ADAMTS6: variants seen among roughly 807,000 people sequenced by gnomAD.
The protein encoded by ADAMTS6 is A disintegrin and metalloproteinase with thrombospondin motifs 6.
Under a neutral mutation model 144.3 loss-of-function variants are expected in ADAMTS6, and 23 were observed. The ratio of observed to expected loss-of-function variants is 0.16; its 90% confidence interval spans 0.11 to 0.23. ADAMTS6 has a LOEUF of 0.23. ADAMTS6 is among the 10% of genes least tolerant of loss of function. The pLI, the probability that ADAMTS6 is intolerant of heterozygous loss-of-function variation, is 1.00. For missense variants in ADAMTS6, 999 were observed against 1,379.6 expected, an observed-to-expected ratio of 0.72 and a Z score of 4.37; for synonymous variants, 444 against 457.5, an observed-to-expected ratio of 0.97 and a Z score of 0.38.
chr5:65,479,663 C>G (rs1053609803), intron 1 of ADAMTS6, among the ~76,000 whole-genome samples: 1 of 152,124 alleles, frequency 6.6e-6, no homozygotes, highest in Non-Finnish European at 1.5e-5. Flanking sequence ...AAGTCACAAA[C>G]TTGATAAAAT....
intron 7 of ADAMTS6, among the ~76,000 whole-genome samples, chr5:65,367,578 T>C (rs1322836799): frequency 6.6e-6 from 1 of 152,114 alleles, no homozygotes; most frequent in Non-Finnish European, 1.5e-5. Flanking sequence ...GCAATTTGCA[T>C]CAAATGACTG....
intron 7 of ADAMTS6, among the ~76,000 whole-genome samples, chr5:65,445,133 CTATT>C (rs1758168285): frequency 1.3e-5 from 2 of 152,176 alleles, no homozygotes; most frequent in African/African-American, 2.4e-5. Flanking sequence ...ATAAGGTACA[CTATT>C]TATTCAAGGT....
At chr5:65,370,468 G>A (rs1044427034) in intron 7 of ADAMTS6, among the ~76,000 whole-genome samples, 4 of 152,306 alleles carry the variant, frequency 2.6e-5, no homozygotes, top group South Asian at 2.1e-4. Context: ...CCTGGGAAGC[G>A]CAAGGGGTCA....
intron 7 of ADAMTS6, among the ~76,000 whole-genome samples, chr5:65,417,622 C>T (rs1486691596): frequency 6.6e-6 from 1 of 152,094 alleles, no homozygotes; most frequent in Non-Finnish European, 1.5e-5. Context: ...TGCAATCCCA[C>T]TTACAATAGC....
At chr5:65,275,352 AGAG>A (rs1225269427) in intron 11 of ADAMTS6, among the ~76,000 whole-genome samples, 1 of 121,734 alleles carries the variant, frequency 8.2e-6, no homozygotes, top group East Asian at 2.4e-4. Flanking sequence ...GAAAGAAAGA[AGAG>A]AAAGAAAGAA....
intron 14 of ADAMTS6, among the ~76,000 whole-genome samples, chr5:65,249,370 A>G (rs549840742): frequency 6.6e-6 from 1 of 152,120 alleles, no homozygotes; most frequent in African/African-American, 2.4e-5. Context: ...TCCTAAACAC[A>G]TTGGGAATGC....
intron 20 of ADAMTS6, among the ~76,000 whole-genome samples, chr5:65,201,321 T>A (rs1245400671): frequency 1.3e-5 from 2 of 151,056 alleles, no homozygotes; most frequent in Non-Finnish European, 3.0e-5. Context: ...AATGTTCTCA[T>A]GTGTTCCTAT....
At chr5:65,314,595 A>G (rs539817104) in intron 9 of ADAMTS6, among the ~76,000 whole-genome samples, 2 of 152,322 alleles carry the variant, frequency 1.3e-5, no homozygotes, top group African/African-American at 2.4e-5. Context: ...GCATGTATGC[A>G]TATCATATTC....
At chr5:65,433,267 C>T (rs1216622245) in intron 7 of ADAMTS6, among the ~76,000 whole-genome samples, 4 of 152,062 alleles carry the variant, frequency 2.6e-5, no homozygotes, top group Admixed American at 2.6e-4. Flanking sequence ...AATAATAGCT[C>T]CAAATTATTA....
At position 65,451,470 on chromosome 5, in the gene ADAMTS6, C is replaced by A; in HGVS notation, c.1073+5G>T. 1 of 1,612,196 alleles carries A rather than the reference C, an allele frequency of 6.2e-7. No individual in the cohort carries two copies. Among genetic ancestry groups the A allele is most frequent in the East Asian group, 2.2e-5 (1 of 44,706 alleles). The stretch of plus-strand genomic sequence containing the variant: ...CAATGGAAAAATACTTGCAACAAAC[C>A]ATACCTAGTAATAAGAACTGCATTA... On this transcript the variant is annotated splice_donor_5th_base_variant and intron_variant, in intron 7 of 24. Transcript: ENST00000381055.
At chr5:65,428,997 T>C (rs537927526) in intron 7 of ADAMTS6, among the ~76,000 whole-genome samples, 5 of 152,246 alleles carry the variant, frequency 3.3e-5, no homozygotes, top group Admixed American at 3.3e-4. Context: ...CACTGAGTAT[T>C]TTTACTTGAA....
chr5:65,230,119 C>A (rs759018473), intron 15 of ADAMTS6, among the ~76,000 whole-genome samples: 2 of 150,996 alleles, frequency 1.3e-5, no homozygotes, highest in East Asian at 1.9e-4. Context: ...GAATGGACTA[C>A]GATATAAAAA....
At chr5:65,414,245 C>G (rs1014916006) in intron 7 of ADAMTS6, among the ~76,000 whole-genome samples, 7 of 152,106 alleles carry the variant, frequency 4.6e-5, no homozygotes, top group Non-Finnish European at 8.8e-5. Context: ...TAAAAACACT[C>G]AGGCTTTTAA....
chr5:65,437,624 G>A (rs540756998), intron 7 of ADAMTS6, among the ~76,000 whole-genome samples: 13 of 152,188 alleles, frequency 8.5e-5, no homozygotes, highest in African/African-American at 2.4e-4. Context: ...TTGGTTCCAG[G>A]ACTCCTGCAC....
chr5:65,286,482 G>A (rs936751709), intron 11 of ADAMTS6, among the ~76,000 whole-genome samples: 10 of 152,048 alleles, frequency 6.6e-5, no homozygotes, highest in Admixed American at 2.6e-4. Context: ...GCATTTATGT[G>A]CTAACATTTA....
intron 7 of ADAMTS6, among the ~76,000 whole-genome samples, chr5:65,372,990 G>C (rs906786775): frequency 3.3e-5 from 5 of 152,176 alleles, no homozygotes; most frequent in Admixed American, 2.6e-4. Flanking sequence ...AACTGAACAA[G>C]CTTCTCCTGA....
intron 18 of ADAMTS6, among the ~76,000 whole-genome samples, chr5:65,223,367 C>T (rs1299507557): frequency 6.6e-6 from 1 of 152,142 alleles, no homozygotes; most frequent in Non-Finnish European, 1.5e-5. Context: ...ATTCTCTTAA[C>T]AAATTTCAAG....
chr5:65,238,870 G>C (rs1288558821), intron 15 of ADAMTS6, among the ~76,000 whole-genome samples: 1 of 152,124 alleles, frequency 6.6e-6, no homozygotes, highest in East Asian at 1.9e-4. Flanking sequence ...TCCCTCAATT[G>C]ATCTATAGAT....
chr5:65,391,740 CTT>C (rs112771142), intron 7 of ADAMTS6, among the ~76,000 whole-genome samples: 5 of 144,208 alleles, frequency 3.5e-5, no homozygotes, highest in Admixed American at 6.9e-5. Context: ...ACAACATTAA[CTT>C]TTTTTTTTTT....
Sources: allele counts gnomAD v4.1 joint callset (sites outside exome capture counted in the v4.1 genomes callset), GRCh38; gene constraint gnomAD v4.1.1; transcripts MANE v1.5; gene names NCBI Gene and HGNC (gene_info 2026-07-23, HGNC 2026-07-21).